ZBTB20: variants seen among roughly 807,000 people sequenced by gnomAD.
ZBTB20 encodes the protein zinc finger and BTB domain-containing protein 20.
Under a neutral mutation model 56.9 loss-of-function variants are expected in ZBTB20, and 9 were observed. The observed-to-expected ratio is 0.16, with a 90% CI of 0.10 to 0.28. The LOEUF (loss-of-function observed/expected upper bound fraction) is 0.28. ZBTB20 is among the 10% of genes least tolerant of loss of function. The pLI is 1.00. For missense variants in ZBTB20, 655 were observed against 1,003.0 expected (o/e 0.65, Z 4.69); for synonymous variants, 417 against 420.7 (o/e 0.99, Z 0.11).
intron 2 of ZBTB20, among the ~76,000 whole-genome samples, chr3:115,053,406 T>C (rs1450433384): frequency 1.3e-5 from 2 of 152,284 alleles, no homozygotes; most frequent in East Asian, 3.9e-4. Flanking sequence ...AATATTAGAA[T>C]CACTCAGAAT....
chr3:114,863,805 A>C (rs1345021990), intron 4 of ZBTB20, among the ~76,000 whole-genome samples: 1 of 152,008 alleles, frequency 6.6e-6, no homozygotes, highest in Non-Finnish European at 1.5e-5. Context: ...TTGTAAACTA[A>C]TTCTTCAGCT....
chr3:114,417,953 C>T (rs2088745266), intron 7 of ZBTB20, among the ~76,000 whole-genome samples: 1 of 151,864 alleles, frequency 6.6e-6, no homozygotes, highest in Non-Finnish European at 1.5e-5. Flanking sequence ...AAGATTGGAC[C>T]CAAAAAGTCG....
At chr3:115,024,489 A>T (rs1020484744) in intron 2 of ZBTB20, among the ~76,000 whole-genome samples, 1 of 151,074 alleles carries the variant, frequency 6.6e-6, no homozygotes, top group Admixed American at 6.6e-5. Context: ...TATCCTCCTC[A>T]TTAAAACTTA....
At chr3:115,065,299 T>C (rs1282393184) in intron 2 of ZBTB20, among the ~76,000 whole-genome samples, 2 of 152,208 alleles carry the variant, frequency 1.3e-5, no homozygotes, top group Non-Finnish European at 2.9e-5. Context: ...ATATTAATTA[T>C]ACTTTATTTC....
chr3:115,082,633 A>C (rs1281162131), intron 1 of ZBTB20, among the ~76,000 whole-genome samples: 1 of 152,110 alleles, frequency 6.6e-6, no homozygotes, highest in African/African-American at 2.4e-5. Context: ...CTGAATACTT[A>C]AGGTGAAAAC....
intron 3 of ZBTB20, among the ~76,000 whole-genome samples, chr3:114,920,453 AAATC>A (rs1225253870): frequency 1.3e-5 from 2 of 152,246 alleles, no homozygotes; most frequent in Non-Finnish European, 2.9e-5. Context: ...ATAAAATTAG[AAATC>A]AATCAAAGGA....
intron 2 of ZBTB20, chr3:115,027,529 G>GA (rs2080474837): frequency 6.6e-6 from 1 of 150,784 alleles, no homozygotes; most frequent in Admixed American, 6.7e-5. Flanking sequence ...CATGTCCAAA[G>GA]GCTTCTTGAC....
chr3:114,488,971 TCTC>T (rs1229596942), intron 7 of ZBTB20, among the ~76,000 whole-genome samples: 1 of 151,984 alleles, frequency 6.6e-6, no homozygotes, highest in East Asian at 1.9e-4. Flanking sequence ...GCAAGTAACT[TCTC>T]CTTTCAGTCT....
chr3:114,999,053 AAGGAG>A lies in ZBTB20; in HGVS notation c.-506-24642_-506-24638del, dbSNP rs141132185. Among the ~76,000 whole-genome samples, 1,020 of 142,272 alleles carry A rather than the reference AAGGAG, an allele frequency of 7.2e-3. 20 individuals are homozygous for A. The highest frequency in any genetic ancestry group is 0.026 in the African/African-American group (974 of 38,070). The allele number at this position is 142,272 out of a possible 152,430, so 93.3% of individuals were successfully genotyped here. A position where few individuals can be genotyped will look rare whatever the true frequency, so the allele number is the denominator to read the frequency against. On this transcript the variant is annotated intron_variant, in intron 2 of 11. Transcript: ENST00000675478. The stretch of plus-strand genomic sequence containing the variant: ...GGGGAGGGGAGGGAAAAGGAGGGGA[AAGGAG>A]AGGAGAGGAGAGCAGAGGAGAGGAG...
At chr3:114,943,345 GA>G in intron 3 of ZBTB20, among the ~76,000 whole-genome samples, 1 of 144,894 alleles carries the variant, frequency 6.9e-6, no homozygotes, top group Middle Eastern at 3.4e-3. Context: ...TTTTTAATAT[GA>G]AAAAATCATC....
At chr3:114,664,163 C>T (rs2060911506) in intron 6 of ZBTB20, among the ~76,000 whole-genome samples, 1 of 152,012 alleles carries the variant, frequency 6.6e-6, no homozygotes, top group Admixed American at 6.6e-5. Flanking sequence ...TTCCCTGAGG[C>T]TACATATAAT....
intron 6 of ZBTB20, among the ~76,000 whole-genome samples, chr3:114,690,346 T>C (rs2062625639): frequency 6.6e-6 from 1 of 152,184 alleles, no homozygotes; most frequent in Admixed American, 6.5e-5. Flanking sequence ...CAGTTTATAC[T>C]GATGCAGTAT....
At chr3:114,994,802 T>C (rs2078959521) in intron 2 of ZBTB20, among the ~76,000 whole-genome samples, 1 of 151,860 alleles carries the variant, frequency 6.6e-6, no homozygotes, top group South Asian at 2.1e-4. Context: ...CACGAAGACA[T>C]GACACCATCA....
intron 5 of ZBTB20, among the ~76,000 whole-genome samples, chr3:114,745,586 C>G (rs1037481012): frequency 1.3e-5 from 2 of 152,096 alleles, no homozygotes; most frequent in African/African-American, 4.8e-5. Flanking sequence ...TTTGTAGAAC[C>G]TTTTCTGTTC....
chr3:114,898,352 A>G (rs2074972132), intron 4 of ZBTB20, among the ~76,000 whole-genome samples: 1 of 152,174 alleles, frequency 6.6e-6, no homozygotes, highest in Admixed American at 6.6e-5. Context: ...TGTAATAAGT[A>G]AAAGTTAGTT....
rs1055532837 is a variant in ZBTB20 at position 114,792,685 on chromosome 3, A to G, written c.-343+8416T>C. Reference sequence around the variant, plus strand: ...TACATGCAGTGCTCCTAAAGTTGGCACACATGGAAGGTAATTCAGGGTTAT... The same window carrying G: ...TACATGCAGTGCTCCTAAAGTTGGCGCACATGGAAGGTAATTCAGGGTTAT... On this transcript the variant is annotated intron_variant, in intron 5 of 11. Coordinates refer to ENST00000675478, the MANE Select transcript of ZBTB20 (RefSeq NM_001348800.3). Among the ~76,000 whole-genome samples, 5 of 152,094 alleles carry G rather than the reference A, an allele frequency of 3.3e-5. No homozygotes were observed. The East Asian group carries it at 9.6e-4, about 29-fold the overall frequency.
At chr3:114,418,146 G>A (rs963231253) in intron 7 of ZBTB20, among the ~76,000 whole-genome samples, 3 of 152,008 alleles carry the variant, frequency 2.0e-5, no homozygotes, top group Admixed American at 6.6e-5. Flanking sequence ...TAAACTTCCA[G>A]GTCATTTGCT....
intron 6 of ZBTB20, chr3:114,624,230 A>G (rs2058511567): frequency 6.6e-6 from 1 of 152,044 alleles, no homozygotes. Context: ...TCGAGTTCAC[A>G]GTGTTCCAGA....
At chr3:114,833,169 T>A (rs1259465127) in intron 4 of ZBTB20, among the ~76,000 whole-genome samples, 1 of 152,138 alleles carries the variant, frequency 6.6e-6, no homozygotes, top group Admixed American at 6.6e-5. Context: ...AAGAAAATAG[T>A]CTGGTTCACA....
Sources: allele counts gnomAD v4.1 joint callset (sites outside exome capture counted in the v4.1 genomes callset), GRCh38; gene constraint gnomAD v4.1.1; transcripts MANE v1.5; gene names NCBI Gene and HGNC (gene_info 2026-07-23, HGNC 2026-07-21).